PLEKHA8: variants seen among roughly 807,000 people sequenced by gnomAD.
PLEKHA8 encodes the protein pleckstrin homology domain-containing family A member 8.
Under a neutral mutation model 68.2 loss-of-function variants are expected in PLEKHA8, and 36 were observed. The observed-to-expected ratio is 0.53, with a 90% CI of 0.40 to 0.70. The LOEUF (loss-of-function observed/expected upper bound fraction) is 0.70, where lower values mean the gene tolerates loss of function less well. Ranked by LOEUF, PLEKHA8 falls within the 30% of genes least tolerant of loss-of-function variation. The probability of loss-of-function intolerance (pLI) is 0.00; values close to 1 mark genes in which losing one functional copy is unlikely to be tolerated. For missense variants in PLEKHA8, 505 were observed against 615.4 expected, an observed-to-expected ratio of 0.82 and a Z score of 1.90; for synonymous variants, 211 against 216.1, an observed-to-expected ratio of 0.98 and a Z score of 0.20.
Position 30,099,412 on chromosome 7 carries a change from C to A in PLEKHA8, c.1362+25280C>A, listed in dbSNP as rs116199479. Among the ~76,000 whole-genome samples, 1,170 of 152,304 alleles carry A rather than the reference C, an allele frequency of 7.7e-3. 21 individuals are homozygous for A. The highest frequency in any genetic ancestry group is 0.026 in the African/African-American group (1,093 of 41,558). Reference sequence around the variant, plus strand: ...TATAAAACAGAATGTAATGCAGGTTCTCTAAGAAGTATAAACAAATGCATT... The same window carrying A: ...TATAAAACAGAATGTAATGCAGGTTATCTAAGAAGTATAAACAAATGCATT... On this transcript the variant is annotated intron_variant, in intron 13 of 13. Coordinates refer to the PLEKHA8 transcript ENST00000396257.
At chr7:30,055,577 G>A (rs1750957152) in intron 9 of PLEKHA8, among the ~76,000 whole-genome samples, 1 of 152,098 alleles carries the variant, frequency 6.6e-6, no homozygotes, top group African/African-American at 2.4e-5. Flanking sequence ...TTTAAAAGGG[G>A]GATCTTTCTA....
At chr7:30,118,897 G>C (rs149638971) in intron 13 of PLEKHA8, among the ~76,000 whole-genome samples, 1 of 152,332 alleles carries the variant, frequency 6.6e-6, no homozygotes, top group Non-Finnish European at 1.5e-5. Flanking sequence ...TAAGTTACGT[G>C]ACACAGTTTT....
In PLEKHA8 at chr7:30,047,847, C is replaced by G. The variant is rs200986553; in HGVS notation, c.329C>G (p.Thr110Ser). The G allele has an allele frequency of 6.2e-6, 10 of 1,609,874 alleles. No individual in the cohort carries two copies. In the East Asian group the frequency reaches 1.6e-4, roughly 25 times the overall value. ...TGTCATTTAGAGTTTGCTGAAAACA[C>G]TGAAAACTTGAAAACCAAAATGTCA... is the stretch of plus-strand genomic sequence containing the variant. The part of the protein sequence containing the change: ...TQKEKEFAEN[T>S]ENLKTKMSEL... Residue 110 changes from threonine to serine, a missense_variant, in exon 4 of 14, where the codon ACT becomes AGT. Physicochemically the swap from Thr to Ser is moderately conservative, Grantham distance 58 (BLOSUM62 1). Transcript: ENST00000449726.
intron 13 of PLEKHA8, among the ~76,000 whole-genome samples, chr7:30,103,177 C>G (rs1795916468): frequency 6.6e-6 from 1 of 152,028 alleles, no homozygotes; most frequent in African/African-American, 2.4e-5. Context: ...CAAAAATGTT[C>G]CAGAACAAAA....
At chr7:30,113,789 A>AATTTCTAATTTACT (rs1796342291) in intron 13 of PLEKHA8, among the ~76,000 whole-genome samples, 1 of 152,148 alleles carries the variant, frequency 6.6e-6, no homozygotes, top group Admixed American at 6.5e-5. Context: ...CAATTTCCTC[A>AATTTCTAATTTACT]GATGGGACTT....
intron 1 of PLEKHA8, among the ~76,000 whole-genome samples, chr7:30,035,587 A>C (rs76231346): frequency 0.14 from 22,038 of 151,996 alleles, 1,636 homozygotes; most frequent in Middle Eastern, 0.19. Context: ...TTTAAAAGTT[A>C]ATTGTTCTTT....
Position 30,078,738 on chromosome 7 carries a change from T to C in PLEKHA8, c.1511T>C (p.Leu504Pro), listed in dbSNP as rs1338110085. 1 of 1,613,694 alleles carries C rather than the reference T, an allele frequency of 6.2e-7. No individual in the cohort carries two copies. Among genetic ancestry groups the C allele is most frequent in the Non-Finnish European group, 8.5e-7 (1 of 1,179,792 alleles). ...LPAMEKQLAILDTLYEVHGLE... is the reference protein window; with the variant it reads ...LPAMEKQLAIPDTLYEVHGLE... ...GCCATGGAGAAGCAGCTGGCCATACTGGACACTTTATATGAGGTCCACGGG... is the reference window on the plus strand; with the variant it reads ...GCCATGGAGAAGCAGCTGGCCATACCGGACACTTTATATGAGGTCCACGGG... The change falls in exon 14 of 14, where the codon CTG becomes CCG. Residue 504 changes from leucine (L) to proline (P), a missense_variant. Transcript: ENST00000449726.
chr7:30,116,892 A>G (rs993770352), intron 13 of PLEKHA8, among the ~76,000 whole-genome samples: 8 of 152,220 alleles, frequency 5.3e-5, no homozygotes, highest in African/African-American at 1.9e-4. Context: ...TATAAAAAGG[A>G]TCTGAAACCT....
At chr7:30,032,426 A>C (rs1448371201) in intron 1 of PLEKHA8, among the ~76,000 whole-genome samples, 3 of 152,218 alleles carry the variant, frequency 2.0e-5, no homozygotes, top group East Asian at 1.9e-4. Flanking sequence ...GCACTTTTCT[A>C]AACATTTTAC....
intron 13 of PLEKHA8, among the ~76,000 whole-genome samples, chr7:30,113,561 T>A (rs1796336670): frequency 6.6e-6 from 1 of 152,174 alleles, no homozygotes; most frequent in South Asian, 2.1e-4. Context: ...TTTCATTTCT[T>A]ATCTTTGGTC....
At chr7:30,108,282 A>G (rs1249354707) in intron 13 of PLEKHA8, among the ~76,000 whole-genome samples, 3 of 152,028 alleles carry the variant, frequency 2.0e-5, no homozygotes, top group Non-Finnish European at 4.4e-5. Flanking sequence ...TTGCATCTAT[A>G]TTTAGAAATG....
At chr7:30,066,959 A>G (rs564418071) in intron 12 of PLEKHA8, among the ~76,000 whole-genome samples, 1 of 152,368 alleles carries the variant, frequency 6.6e-6, no homozygotes, top group Non-Finnish European at 1.5e-5. Flanking sequence ...TAAGTTGGCC[A>G]TTCTGAAAAT....
At chr7:30,036,290 A>G (rs1791069130) in intron 1 of PLEKHA8, among the ~76,000 whole-genome samples, 1 of 151,956 alleles carries the variant, frequency 6.6e-6, no homozygotes, top group South Asian at 2.1e-4. Context: ...AAATAGATAG[A>G]TAGATAGATA....
chr7:30,100,580 A>G (rs1336051479), intron 13 of PLEKHA8, among the ~76,000 whole-genome samples: 2 of 152,106 alleles, frequency 1.3e-5, no homozygotes, highest in African/African-American at 4.8e-5. Context: ...TTAATTAAAT[A>G]AATCTTATAG....
rs189060511 is a variant in PLEKHA8, at chr7:30,046,481, A to G, written c.313+116A>G. On this transcript the variant is annotated intron_variant, in intron 3 of 13. Transcript: ENST00000449726. ...CCTAGCCAGCTTTTTGTGTCATGCA[A>G]ATGCTGTGTATCTTAGTATAATTTA... 1.0e-3 allele frequency: 1,151 copies of G among 1,146,690 alleles called. 1 individual carries two copies. The highest frequency in any genetic ancestry group is 1.2e-3 in the Non-Finnish European group (999 of 822,778). 71.0% of individuals were successfully genotyped at this position (1,146,690 alleles called of 1,614,324 possible). A position where few individuals can be genotyped will look rare whatever the true frequency, so the allele number is the denominator to read the frequency against.
intron 12 of PLEKHA8, among the ~76,000 whole-genome samples, chr7:30,067,393 C>G (rs894322681): frequency 2.0e-5 from 3 of 152,120 alleles, no homozygotes; most frequent in Non-Finnish European, 4.4e-5. Context: ...TCACTTGCGC[C>G]AGGGATGTTG....
intron 13 of PLEKHA8, among the ~76,000 whole-genome samples, chr7:30,107,105 A>T (rs1202168916): frequency 1.3e-5 from 2 of 152,178 alleles, no homozygotes; most frequent in South Asian, 4.1e-4. Flanking sequence ...TACTGAATTT[A>T]TAGACTGACT....
chr7:30,074,262 G>C (rs1583435133), intron 13 of PLEKHA8, 130 bp downstream of exon 13: 2 of 677,084 alleles, frequency 3.0e-6, no homozygotes, highest in African/African-American at 1.8e-5. Context: ...GTGTGTGTGT[G>C]TGTGTGTGTG....
chr7:30,037,216 T>A (rs531335381), intron 1 of PLEKHA8, among the ~76,000 whole-genome samples: 1 of 152,364 alleles, frequency 6.6e-6, no homozygotes, highest in East Asian at 1.9e-4. Flanking sequence ...GTTATGAACG[T>A]AGAAACCATA....
Sources: allele counts gnomAD v4.1 joint callset (sites outside exome capture counted in the v4.1 genomes callset), GRCh38; gene constraint gnomAD v4.1.1; transcripts MANE v1.5; gene names NCBI Gene and HGNC (gene_info 2026-07-23, HGNC 2026-07-21).